The following TRHDE variants were observed in gnomAD, a reference collection of about 807,000 sequenced individuals.
The protein encoded by TRHDE is thyrotropin releasing hormone degrading enzyme, also known as thyrotropin-releasing hormone-degrading ectoenzyme.
TRHDE carries 72 observed loss-of-function variants against 125.7 expected under a neutral mutation model. That is an observed-to-expected ratio of 0.57 (90% CI 0.47 to 0.70). The LOEUF (loss-of-function observed/expected upper bound fraction) is 0.70, where lower values mean the gene tolerates loss of function less well. Ranked by LOEUF, TRHDE falls within the 30% of genes least tolerant of loss-of-function variation. TRHDE has a pLI of 0.00. For synonymous variants in TRHDE, 509 were observed against 509.1 expected (o/e 1.00, Z 0.00); for missense variants, 1,110 against 1,327.1 (o/e 0.84, Z 2.54).
chr12:72,159,731 CT>C (rs1253061785), intron 2 of TRHDE, among the ~76,000 whole-genome samples: 1 of 152,004 alleles, frequency 6.6e-6, no homozygotes, highest in Non-Finnish European at 1.5e-5. Flanking sequence ...TTTTCTCATC[CT>C]GTCTTTATTT....
chr12:72,157,530 AG>A (rs980588378), intron 2 of TRHDE, among the ~76,000 whole-genome samples: 5 of 152,250 alleles, frequency 3.3e-5, no homozygotes, highest in Admixed American at 1.3e-4. Context: ...TATACTTAAA[AG>A]GAAGAGCTAA....
chr12:72,621,238 C>A, intron 14 of TRHDE, 33 bp downstream of exon 14: 1 of 1,392,068 alleles, frequency 7.2e-7, no homozygotes, highest in South Asian at 1.2e-5. Context: ...TCTTCTTTAC[C>A]CCTAGAGCTG....
intron 10 of TRHDE, among the ~76,000 whole-genome samples, chr12:72,569,758 A>G (rs1354764094): frequency 1.3e-5 from 2 of 152,226 alleles, no homozygotes; most frequent in African/African-American, 4.8e-5. Flanking sequence ...TGAAGCATTG[A>G]TAAGTAATGT....
intron 2 of TRHDE, among the ~76,000 whole-genome samples, chr12:72,128,161 C>T (rs555534947): frequency 1.3e-5 from 2 of 152,280 alleles, no homozygotes; most frequent in South Asian, 2.1e-4. Flanking sequence ...ATTTGCAGCA[C>T]ATTGAGTACT....
chr12:72,258,900 C>T (rs1168399694), intron 2 of TRHDE, among the ~76,000 whole-genome samples: 1 of 152,138 alleles, frequency 6.6e-6, no homozygotes, highest in Non-Finnish European at 1.5e-5. Context: ...GTGTTTTTCT[C>T]ATTGCATTTG....
At position 72,575,171 on chromosome 12, in the gene TRHDE, T is replaced by C. The variant is rs1592547407; in HGVS notation, c.2132-84T>C. The C allele has an allele frequency of 3.1e-6, 4 of 1,278,202 alleles. No homozygotes were observed. In the East Asian group the frequency reaches 9.5e-5, roughly 30 times the overall value. The allele number at this position is 1,278,202 out of a possible 1,614,324, so 79.2% of individuals were successfully genotyped here. A position where few individuals can be genotyped will look rare whatever the true frequency, so the allele number is the denominator to read the frequency against. ...ATGACATTCACTTAATTATTGGTATTGTTATATCTGGCGTTAAGAAAACAT... is the reference window on the plus strand; with the variant it reads ...ATGACATTCACTTAATTATTGGTATCGTTATATCTGGCGTTAAGAAAACAT... On this transcript the variant is annotated intron_variant, in intron 10 of 18. Transcript: ENST00000261180.
chr12:72,429,390 TA>T (rs1874343269), intron 3 of TRHDE, among the ~76,000 whole-genome samples: 2 of 150,166 alleles, frequency 1.3e-5, no homozygotes, highest in Non-Finnish European at 1.5e-5. Context: ...AGAAGGAAAT[TA>T]AAAAAAGATA....
chr12:72,299,531 A>T (rs531155535), intron 2 of TRHDE, among the ~76,000 whole-genome samples: 10 of 152,330 alleles, frequency 6.6e-5, no homozygotes, highest in Admixed American at 1.3e-4. Flanking sequence ...ACATTCTTTT[A>T]TTCATCCACA....
intron 3 of TRHDE, among the ~76,000 whole-genome samples, chr12:72,395,202 C>T (rs1384839865): frequency 3.3e-5 from 5 of 152,120 alleles, no homozygotes; most frequent in Non-Finnish European, 7.4e-5. Context: ...CCTTCTCCCT[C>T]CTTCTCCAAT....
intron 7 of TRHDE, chr12:72,560,651 G>A (rs909939931): frequency 1.3e-5 from 2 of 151,930 alleles, no homozygotes; most frequent in African/African-American, 4.8e-5. Flanking sequence ...ATGGAATCCT[G>A]TTGCTACAAA....
chr12:72,569,974 C>T (rs1235807895), intron 10 of TRHDE, among the ~76,000 whole-genome samples: 1 of 152,096 alleles, frequency 6.6e-6, no homozygotes, highest in Non-Finnish European at 1.5e-5. Context: ...TGAGGGAGAG[C>T]AGTGAGTTGT....
At chr12:72,246,360 C>T (rs1478141879) in intron 2 of TRHDE, among the ~76,000 whole-genome samples, 1 of 152,124 alleles carries the variant, frequency 6.6e-6, no homozygotes, top group East Asian at 1.9e-4. Flanking sequence ...GTGACATGCA[C>T]TTATTTTGAG....
chr12:72,440,626 A>G, intron 3 of TRHDE, among the ~76,000 whole-genome samples: 1 of 151,966 alleles, frequency 6.6e-6, no homozygotes, highest in East Asian at 1.9e-4. Context: ...ATATCAGCAT[A>G]CTTTGACAAA....
chr12:72,508,016 G>A (rs1878429035), intron 6 of TRHDE, among the ~76,000 whole-genome samples: 1 of 152,240 alleles, frequency 6.6e-6, no homozygotes, highest in African/African-American at 2.4e-5. Context: ...TAAGCCTGTG[G>A]GTGCAAAGAG....
At chr12:72,524,135 T>C (rs969005290) in intron 6 of TRHDE, among the ~76,000 whole-genome samples, 1 of 152,176 alleles carries the variant, frequency 6.6e-6, no homozygotes, top group Non-Finnish European at 1.5e-5. Flanking sequence ...CTCAATGATA[T>C]ACATGAAGAG....
intron 2 of TRHDE, among the ~76,000 whole-genome samples, chr12:72,369,081 AGTAT>A (rs2135760931): frequency 6.6e-6 from 1 of 152,264 alleles, no homozygotes; most frequent in South Asian, 2.1e-4. Flanking sequence ...ATCTGCCTTT[AGTAT>A]GTTTTTCCTT....
intron 7 of TRHDE, among the ~76,000 whole-genome samples, chr12:72,558,649 A>G (rs140261244): frequency 2.2e-4 from 34 of 152,320 alleles, no homozygotes; most frequent in Middle Eastern, 3.4e-3. Flanking sequence ...GGCAGCTGTC[A>G]TCACCCATGT....
chr12:72,641,999 G>A (rs528601784), intron 15 of TRHDE, among the ~76,000 whole-genome samples: 3 of 152,270 alleles, frequency 2.0e-5, no homozygotes, highest in African/African-American at 7.2e-5. Context: ...AAGACCTCAT[G>A]AAAGAAACCC....
At chr12:72,303,949 G>A (rs1005322672) in intron 2 of TRHDE, among the ~76,000 whole-genome samples, 8 of 152,234 alleles carry the variant, frequency 5.3e-5, no homozygotes, top group Admixed American at 3.3e-4. Context: ...TGTTGAACAC[G>A]GAATGTGTTC....
Sources: allele counts gnomAD v4.1 joint callset (sites outside exome capture counted in the v4.1 genomes callset), GRCh38; gene constraint gnomAD v4.1.1; transcripts MANE v1.5; gene names NCBI Gene and HGNC (gene_info 2026-07-23, HGNC 2026-07-21).